The following FAF1 variants were observed in gnomAD, a reference collection of about 807,000 sequenced individuals.
FAF1 encodes Fas associated factor 1, also known as FAS-associated factor 1.
Under a neutral mutation model 92.5 loss-of-function variants are expected in FAF1, and 25 were observed. The ratio of observed to expected loss-of-function variants is 0.27; its 90% CI spans 0.20 to 0.38. The LOEUF is 0.38. Ranked by LOEUF, FAF1 falls within the 10% of genes least tolerant of loss-of-function variation. The pLI is 1.00. For missense variants in FAF1, 636 were observed against 793.3 expected (o/e 0.80, Z 2.38); for synonymous variants, 234 against 273.2 (o/e 0.86, Z 1.42).
Position 50,507,669 on chromosome 1 carries a change from T to C in FAF1, c.1495-15868A>G, listed in dbSNP as rs146626546. 6.3e-3 allele frequency among the ~76,000 whole-genome samples: 961 copies of C among 152,292 alleles called. 2 individuals carry two copies. The highest frequency in any genetic ancestry group is 0.01 in the Middle Eastern group (3 of 292). ...AGTTCGAGGTTACAGTGAGCTACCA[T>C]CATGTCACTGCCTTCTAGCCTGGGC... is the stretch of plus-strand genomic sequence containing the variant. On this transcript the variant is annotated intron_variant, in intron 15 of 18. Transcript: ENST00000396153.
intron 6 of FAF1, among the ~76,000 whole-genome samples, chr1:50,724,338 C>T (rs553564670): frequency 6.6e-6 from 1 of 151,118 alleles, no homozygotes; most frequent in South Asian, 2.1e-4. Context: ...CACCCCTGCT[C>T]AGTGGATGCA....
chr1:50,753,096 G>GT (rs1180063978), intron 4 of FAF1, among the ~76,000 whole-genome samples: 2 of 152,144 alleles, frequency 1.3e-5, no homozygotes, highest in African/African-American at 2.4e-5. Flanking sequence ...ATCCAACAAT[G>GT]AAATCACCAC....
chr1:50,757,722 TAAC>T (rs1557512874), intron 4 of FAF1, among the ~76,000 whole-genome samples: 1 of 152,186 alleles, frequency 6.6e-6, no homozygotes, highest in Non-Finnish European at 1.5e-5. Flanking sequence ...CCTTTTATTA[TAAC>T]ATGAGATCAT....
At chr1:50,454,122 A>C (rs1375869062) in intron 18 of FAF1, among the ~76,000 whole-genome samples, 1 of 152,254 alleles carries the variant, frequency 6.6e-6, no homozygotes, top group Non-Finnish European at 1.5e-5. Context: ...CTCAAAAAAT[A>C]CATCAAATAA....
chr1:50,956,084 C>A (rs1478199385), intron 1 of FAF1, among the ~76,000 whole-genome samples: 1 of 152,074 alleles, frequency 6.6e-6, no homozygotes, highest in African/African-American at 2.4e-5. Flanking sequence ...AGTAACAAAG[C>A]AAAATGAATG....
chr1:50,850,552 C>A (rs1296594202), intron 2 of FAF1, among the ~76,000 whole-genome samples: 2 of 151,852 alleles, frequency 1.3e-5, no homozygotes, highest in Non-Finnish European at 2.9e-5. Context: ...TGAGTACATG[C>A]ACAAGAGATG....
chr1:50,718,219 CAG>C, intron 6 of FAF1, among the ~76,000 whole-genome samples: 1 of 152,114 alleles, frequency 6.6e-6, no homozygotes, highest in East Asian at 1.9e-4. Flanking sequence ...TTAGTAGAGA[CAG>C]AGTTTCACCA....
At chr1:50,831,805 C>CA (rs1157102526) in intron 2 of FAF1, among the ~76,000 whole-genome samples, 31,134 of 81,722 alleles carry the variant, frequency 0.38, 4,674 homozygotes, top group Middle Eastern at 0.56. Flanking sequence ...TTATCAGAGA[C>CA]AAAAAAAAAA....
At chr1:50,726,346 G>T (rs1326644429) in intron 6 of FAF1, among the ~76,000 whole-genome samples, 2 of 152,066 alleles carry the variant, frequency 1.3e-5, no homozygotes, top group African/African-American at 4.8e-5. Context: ...CTTGTAAAAG[G>T]GACAACTACA....
At chr1:50,892,635 G>C (rs1407510365) in intron 1 of FAF1, among the ~76,000 whole-genome samples, 1 of 152,130 alleles carries the variant, frequency 6.6e-6, no homozygotes, top group Non-Finnish European at 1.5e-5. Context: ...TTTGATCTCT[G>C]GGAGTTTGGT....
chr1:50,705,948 T>G, intron 6 of FAF1, 57 bp from the exon 7 acceptor site: 2 of 1,065,294 alleles, frequency 1.9e-6, no homozygotes, highest in Non-Finnish European at 2.9e-6. Flanking sequence ...CTAGCTTGCT[T>G]TACAGCTAGC....
chr1:50,698,355 G>C (rs1657320988), intron 7 of FAF1, among the ~76,000 whole-genome samples: 1 of 152,096 alleles, frequency 6.6e-6, no homozygotes, highest in Non-Finnish European at 1.5e-5. Flanking sequence ...CAGGAATCTA[G>C]GAGTTAATAT....
chr1:50,731,288 G>C, intron 6 of FAF1, among the ~76,000 whole-genome samples: 1 of 152,042 alleles, frequency 6.6e-6, no homozygotes, highest in Non-Finnish European at 1.5e-5. Flanking sequence ...TTCTGTTAAG[G>C]TAAGGTAGCT....
chr1:50,897,282 T>C (rs1644765388), intron 1 of FAF1, among the ~76,000 whole-genome samples: 1 of 152,188 alleles, frequency 6.6e-6, no homozygotes, highest in South Asian at 2.1e-4. Flanking sequence ...GTGTCAAACT[T>C]TCACCATTTA....
At chr1:50,836,168 C>CTTTTTTTTTTTTTTT (rs1644200011) in intron 2 of FAF1, among the ~76,000 whole-genome samples, 2 of 75,542 alleles carry the variant, frequency 2.6e-5, no homozygotes, top group Non-Finnish European at 5.8e-5. Flanking sequence ...TTTTTTGTTT[C>CTTTTTTTTTTTTTTT]TGTTTTTTTT....
intron 15 of FAF1, among the ~76,000 whole-genome samples, chr1:50,528,018 A>G (rs1275474447): frequency 6.6e-6 from 1 of 151,762 alleles, no homozygotes; most frequent in Non-Finnish European, 1.5e-5. Context: ...CTACACCACC[A>G]TACTTGGCTA....
At chr1:50,506,505 C>T (rs1321627030) in intron 15 of FAF1, among the ~76,000 whole-genome samples, 3 of 152,174 alleles carry the variant, frequency 2.0e-5, no homozygotes, top group Non-Finnish European at 4.4e-5. Context: ...CCGCTCTAAG[C>T]AATCACAGGT....
chr1:50,874,277 T>G (rs952914329), intron 1 of FAF1, among the ~76,000 whole-genome samples: 1 of 152,188 alleles, frequency 6.6e-6, no homozygotes, highest in African/African-American at 2.4e-5. Flanking sequence ...GTCTTAAAAC[T>G]AATTTCTTAA....
At chr1:50,956,694 A>G (rs1321762932) in intron 1 of FAF1, among the ~76,000 whole-genome samples, 2 of 152,212 alleles carry the variant, frequency 1.3e-5, no homozygotes, top group African/African-American at 4.8e-5. Context: ...CATGCCTGTA[A>G]TCCCAGCACT....
Sources: allele counts gnomAD v4.1 joint callset (sites outside exome capture counted in the v4.1 genomes callset), GRCh38; gene constraint gnomAD v4.1.1; transcripts MANE v1.5; gene names NCBI Gene and HGNC (gene_info 2026-07-23, HGNC 2026-07-21).